USP42: variants seen among roughly 807,000 people sequenced by gnomAD.
USP42 encodes the protein ubiquitin specific peptidase 42.
A neutral mutation model predicts 113.0 loss-of-function variants in USP42; 23 were observed. That is an observed-to-expected ratio of 0.20 (90% CI 0.15 to 0.29). The LOEUF is 0.29. Among genes scored for constraint, USP42 ranks in the 10% least tolerant of loss-of-function variants. The pLI, the probability that USP42 is intolerant of heterozygous loss-of-function variation, is 1.00. For synonymous variants in USP42, 933 were observed against 699.0 expected (o/e 1.33, Z -5.28); for missense variants, 2,174 against 1,779.8 (o/e 1.22, Z -3.99).
chr7:6,116,601 A>T (rs1779923716), intron 3 of USP42: 1 of 351,320 alleles, frequency 2.8e-6, no homozygotes. Flanking sequence ...CTTAATGGAG[A>T]ATTTAAATTG....
At chr7:6,107,938 TAA>T (rs138109474) in intron 1 of USP42, among the ~76,000 whole-genome samples, 1,839 of 152,270 alleles carry the variant, frequency 0.012, 33 homozygotes, top group African/African-American at 0.042. Context: ...TCAGAAACTT[TAA>T]GATTGTATTT....
At chr7:6,113,613 T>C (rs561414529) in intron 2 of USP42, among the ~76,000 whole-genome samples, 1 of 152,110 alleles carries the variant, frequency 6.6e-6, no homozygotes, top group African/African-American at 2.4e-5. Context: ...TTTTGGTTTT[T>C]TTTGTTTTTG....
rs549061604 is a variant in USP42, at chr7:6,159,556, G to A, written c.*36+63G>A. The A allele has an allele frequency of 1.1e-4, 164 of 1,527,650 alleles. 3 individuals are homozygous for A. The South Asian group carries it at 1.4e-3, about 13-fold the overall frequency. The allele number at this position is 1,527,650 out of a possible 1,614,324, so 94.6% of individuals were successfully genotyped here. On this transcript the variant is annotated intron_variant, in intron 17 of 17. Transcript: ENST00000306177. The surrounding 1 kb of genome is among the most constrained non-coding windows in gnomAD (Gnocchi z 4.1). Reference sequence around the variant, plus strand: ...GTGGCGCTGAGGGGACGCAGGCAGAGGAGTTTTAATTCTGCGGCTCTGCCT... The same window carrying A: ...GTGGCGCTGAGGGGACGCAGGCAGAAGAGTTTTAATTCTGCGGCTCTGCCT...
chr7:6,086,916 C>T, the USP42 span, among the ~76,000 whole-genome samples: 16 of 149,650 alleles, frequency 1.1e-4, 1 homozygote, highest in African/African-American at 3.0e-4. Context: ...TTAGTAGAGA[C>T]GGGGTTTCAC....
intron 1 of USP42, among the ~76,000 whole-genome samples, chr7:6,109,545 C>T (rs1034208503): frequency 2.6e-5 from 4 of 152,094 alleles, no homozygotes; most frequent in African/African-American, 9.7e-5. Context: ...AGGCGTGCGC[C>T]ACCATGCCTG....
chr7:6,104,915 G>C (rs973150440), upstream of USP42: 4 of 139,646 alleles, frequency 2.9e-5, no homozygotes, highest in Non-Finnish European at 6.0e-5. Context: ...CTGACCCGGA[G>C]GCGGCGGCGG....
chr7:6,115,709 C>T (rs910832095), intron 3 of USP42, among the ~76,000 whole-genome samples, 186 bp downstream of exon 3: 18 of 152,098 alleles, frequency 1.2e-4, no homozygotes. Flanking sequence ...CATTTTGCAC[C>T]TAATTAGACC....
In USP42 at chr7:6,139,823, G is replaced by A; in HGVS notation, c.657-305G>A. 2.2e-6 allele frequency: 1 copy of A among 451,486 alleles called. No individual in the cohort carries two copies. 28.0% of individuals were successfully genotyped at this position (451,486 alleles called of 1,614,324 possible). On this transcript the variant is annotated intron_variant, in intron 5 of 17. Coordinates refer to ENST00000306177, the MANE Select transcript of USP42 (RefSeq NM_032172.3). The surrounding 1 kb of genome is among the most constrained non-coding windows in gnomAD (Gnocchi z 4.5). ...CTCCGCTCCCTTTCCTCCCACACAGGCCGCAGTGCCCGGAGGCTGCCATCT... is the reference window on the plus strand; with the variant it reads ...CTCCGCTCCCTTTCCTCCCACACAGACCGCAGTGCCCGGAGGCTGCCATCT...
In USP42 at chr7:6,161,473, CTTTG is replaced by C. The variant is rs1245593895; in HGVS notation, c.*959_*962del. The stretch of plus-strand genomic sequence containing the variant: ...TGTTCAGAGATGTTTAAAGTTTGAT[CTTTG>C]TTTTTCTAAAGATTAAAAAAGCACT... On this transcript the variant is annotated 3_prime_UTR_variant, in exon 18 of 18. Transcript: ENST00000306177. The C allele has an allele frequency of 4.6e-5, 7 of 152,640 alleles. 1 individual carries two copies. Among genetic ancestry groups the C allele is most frequent in the Non-Finnish European group, 7.4e-5 (5 of 68,010 alleles). The allele number at this position is 152,640 out of a possible 1,614,324, so 9.5% of individuals were successfully genotyped here. A position where few individuals can be genotyped will look rare whatever the true frequency, so the allele number is the denominator to read the frequency against.
At chr7:6,114,748 T>C (rs865893074) in intron 2 of USP42, among the ~76,000 whole-genome samples, 22 of 134,618 alleles carry the variant, frequency 1.6e-4, no homozygotes, top group African/African-American at 5.5e-4. Context: ...TGGAGTGCAG[T>C]GGCACTATCT....
chr7:6,104,077 T>G (rs1335293690), upstream of USP42, among the ~76,000 whole-genome samples: 1 of 151,204 alleles, frequency 6.6e-6, no homozygotes, highest in Non-Finnish European at 1.5e-5. Context: ...ACCCTGTTTC[T>G]TTTCTTTTCT....
rs1782350417 is a variant in USP42, at chr7:6,154,950, C to T, written c.3396C>T (p.Phe1132=). 6.4e-6 allele frequency: 10 copies of T among 1,555,558 alleles called. No homozygotes were observed. The highest frequency in any genetic ancestry group is 8.7e-6 in the Non-Finnish European group (10 of 1,149,252). Residue 1132 remains phenylalanine, a synonymous_variant, in exon 15 of 18, where the codon TTC becomes TTT. Transcript: ENST00000306177. ...PHALAPHPDR[F]SHDRTALVAG... ...CCCTCGCCCCGCACCCCGACCGCTT[C>T]TCCCACGACAGAACTGCACTTGTAG... is the stretch of plus-strand genomic sequence containing the variant.
chr7:6,158,757 GGTACCCGA>G lies in USP42; in HGVS notation c.3944-691_3944-684del, dbSNP rs1782606452. Among the ~76,000 whole-genome samples, 1 of 152,184 alleles carries G rather than the reference GGTACCCGA, an allele frequency of 6.6e-6. No homozygotes were observed. The highest frequency in any genetic ancestry group is 1.5e-5 in the Non-Finnish European group (1 of 68,036). On this transcript the variant is annotated intron_variant, in intron 16 of 17. Transcript: ENST00000306177. This position sits in a 1 kb window ranked among gnomAD's most constrained non-coding sequence, Gnocchi z 4.2. ...GGAAGGAGATTCGTGAGGGCTGCTTGGTACCCGAGGATCCGAGGATGCAGTGGATGGGC... is the reference window on the plus strand; with the variant it reads ...GGAAGGAGATTCGTGAGGGCTGCTTGGGATCCGAGGATGCAGTGGATGGGC...
At chr7:6,125,426 G>A (rs1231837883) in intron 3 of USP42, among the ~76,000 whole-genome samples, 2 of 152,048 alleles carry the variant, frequency 1.3e-5, no homozygotes, top group African/African-American at 2.4e-5. Context: ...GGAAGCGGGG[G>A]TTGCAGTGAG....
upstream of USP42, among the ~76,000 whole-genome samples, chr7:6,101,840 A>C (rs897323948): frequency 6.7e-6 from 1 of 150,302 alleles, no homozygotes; most frequent in African/African-American, 2.5e-5. Flanking sequence ...GCACTTTGGG[A>C]GGCTGAGGTG....
rs1468240284 is a variant in USP42, at chr7:6,153,895, C to T, written c.2341C>T (p.Pro781Ser). The change falls in exon 15 of 18, where the codon CCC (proline) becomes TCC (serine). Residue 781 changes from proline to serine, a missense_variant. Transcript: ENST00000306177. Reference sequence around the variant, plus strand: ...CAAGAAGGCTCCGCCGCCCCGCGATCCCGGCACCCCCGCTACCAAAGAAGG... The same window carrying T: ...CAAGAAGGCTCCGCCGCCCCGCGATTCCGGCACCCCCGCTACCAAAGAAGG... ...STKKAPPPRD[P>S]GTPATKEGAW... 6.3e-7 allele frequency: 1 copy of T among 1,585,348 alleles called. No individual in the cohort carries two copies. Among genetic ancestry groups the T allele is most frequent in the Middle Eastern group, 1.8e-4 (1 of 5,664 alleles).
rs565145644 is a variant in USP42 at position 6,115,228 on chromosome 7, A to G, written c.242-95A>G. The stretch of plus-strand genomic sequence containing the variant: ...AGGTAGGCTGGTCATGAGATTTCGG[A>G]TCTTGTAAAGATTGAGGTTTGACCA... On this transcript the variant is annotated intron_variant, in intron 2 of 17. Transcript: ENST00000306177. 5 of 1,259,762 alleles carry G rather than the reference A, an allele frequency of 4.0e-6. No individual in the cohort carries two copies. The Admixed American group carries it at 7.4e-5, about 19-fold the overall frequency. The allele number at this position is 1,259,762 out of a possible 1,614,324, so 78.0% of individuals were successfully genotyped here.
rs1445720711 is a variant in USP42 at position 6,160,879 on chromosome 7, C to T, written c.*361C>T. 2.6e-5 allele frequency: 4 copies of T among 152,634 alleles called. No homozygotes were observed. The highest frequency in any genetic ancestry group is 9.7e-5 in the African/African-American group (4 of 41,436). 9.5% of individuals were successfully genotyped at this position (152,634 alleles called of 1,614,324 possible). A position where few individuals can be genotyped will look rare whatever the true frequency, so the allele number is the denominator to read the frequency against. On this transcript the variant is annotated 3_prime_UTR_variant, in exon 18 of 18. Coordinates refer to ENST00000306177, the MANE Select transcript of USP42 (RefSeq NM_032172.3). ...TGTAATGTTCCTCCAAGTTAGACAT[C>T]TGGTGCAAGACCAACCGGGAGACCA... is the stretch of plus-strand genomic sequence containing the variant.
At chr7:6,082,224 G>C in the USP42 span, among the ~76,000 whole-genome samples, 4 of 151,816 alleles carry the variant, frequency 2.6e-5, no homozygotes, top group African/African-American at 9.7e-5. Flanking sequence ...GGCCTCCCGG[G>C]TTCACGCCAT....
Sources: gnomAD v4.1 joint callset for allele counts (sites outside exome capture counted in the v4.1 genomes callset) on GRCh38, gnomAD v4.1.1 for gene constraint, Gnocchi (gnomAD v3.1) non-coding constraint, MANE v1.5 for transcripts, NCBI Gene and HGNC (gene_info 2026-07-23, HGNC 2026-07-21) for gene names.